SOS1: variants seen among roughly 807,000 people sequenced by gnomAD.
SOS1 encodes the protein son of sevenless homolog 1.
A neutral mutation model predicts 157.6 loss-of-function variants in SOS1; 25 were observed. The ratio of observed to expected loss-of-function variants is 0.16; its 90% CI spans 0.12 to 0.22. The LOEUF is 0.22. Ranked by LOEUF, SOS1 falls within the 10% of genes least tolerant of loss-of-function variation. The pLI, the probability that SOS1 is intolerant of heterozygous loss-of-function variation, is 1.00. For missense variants in SOS1, 1,237 were observed against 1,599.1 expected (o/e 0.77, Z 3.86); for synonymous variants, 528 against 534.0 (o/e 0.99, Z 0.16).
chr2:39,095,553 G>C (rs959107939), intron 1 of SOS1, among the ~76,000 whole-genome samples: 2 of 152,184 alleles, frequency 1.3e-5, no homozygotes, highest in Admixed American at 1.3e-4. Context: ...TTGTGTTTGA[G>C]ACACTGAAAT....
intron 1 of SOS1, among the ~76,000 whole-genome samples, chr2:39,098,943 G>A (rs1278479333): frequency 6.6e-6 from 1 of 151,972 alleles, no homozygotes; most frequent in East Asian, 1.9e-4. Context: ...ATTTTAAAAT[G>A]GGCAAAGGAT....
rs185176852 is a variant in SOS1 at position 39,053,266 on chromosome 2, C to G, written c.720+1348G>C. Among the ~76,000 whole-genome samples, 314 of 152,228 alleles carry G rather than the reference C, an allele frequency of 2.1e-3. 1 individual carries two copies. Among genetic ancestry groups the G allele is most frequent in the African/African-American group, 7.2e-3 (298 of 41,562 alleles). On this transcript the variant is annotated intron_variant, in intron 5 of 22. Transcript: ENST00000402219. ...ACAAGTAGTTGCTCCATACCCATTT[C>G]AACTTTTGGTATTATAAGTCATTTA...
At chr2:39,033,202 C>T (rs1305196150) in intron 8 of SOS1, among the ~76,000 whole-genome samples, 48 of 114,848 alleles carry the variant, frequency 4.2e-4, no homozygotes, top group African/African-American at 1.6e-3. Context: ...TCCTGAGTAT[C>T]TGGGATTATA....
chr2:39,025,758 T>G (rs1669939553), intron 8 of SOS1, among the ~76,000 whole-genome samples: 1 of 152,164 alleles, frequency 6.6e-6, no homozygotes, highest in Non-Finnish European at 1.5e-5. Flanking sequence ...CAACAACACA[T>G]TCCTTTCTGC....
In SOS1 at chr2:38,983,330, C is replaced by G. The variant is rs1362946990; in HGVS notation, c.*2494G>C. 1 of 152,158 alleles carries G rather than the reference C, an allele frequency of 6.6e-6. No homozygotes were observed. The highest frequency in any genetic ancestry group is 1.5e-5 in the Non-Finnish European group (1 of 68,036). The allele number at this position is 152,158 out of a possible 1,614,324, so 9.4% of individuals were successfully genotyped here. A position where few individuals can be genotyped will look rare whatever the true frequency, so the allele number is the denominator to read the frequency against. On this transcript the variant is annotated 3_prime_UTR_variant, in exon 23 of 23. Coordinates refer to ENST00000402219, the MANE Select transcript of SOS1 (RefSeq NM_005633.4). The stretch of plus-strand genomic sequence containing the variant: ...AGGCAAGGATGCCATTTTCTCACCT[C>G]CACCTAAGGGCATCCAATTGGCATT...
intron 1 of SOS1, among the ~76,000 whole-genome samples, chr2:39,102,401 T>G (rs1301530360): frequency 1.3e-5 from 2 of 149,820 alleles, no homozygotes; most frequent in Non-Finnish European, 3.0e-5. Context: ...GGTACACACT[T>G]GTAGTCCTAG....
At chr2:39,006,119 C>T (rs1669275047) in intron 17 of SOS1, among the ~76,000 whole-genome samples, 1 of 151,962 alleles carries the variant, frequency 6.6e-6, no homozygotes, top group Non-Finnish European at 1.5e-5. Context: ...TTTGGCTATG[C>T]CTCTGCTGTA....
At chr2:39,037,652 C>A (rs1373662627) in intron 6 of SOS1, among the ~76,000 whole-genome samples, 1 of 151,654 alleles carries the variant, frequency 6.6e-6, no homozygotes, top group African/African-American at 2.4e-5. Context: ...TTTGTGGCAA[C>A]CCTGTGTGAA....
chr2:39,030,266 AG>A, intron 8 of SOS1, among the ~76,000 whole-genome samples: 1 of 150,910 alleles, frequency 6.6e-6, no homozygotes. Context: ...AAAAAGCGAA[AG>A]AGGGGGAAAG....
chr2:39,045,400 A>C (rs887243934), intron 6 of SOS1, among the ~76,000 whole-genome samples: 15 of 151,684 alleles, frequency 9.9e-5, no homozygotes, highest in African/African-American at 3.1e-4. Flanking sequence ...CTATGATAGC[A>C]ATTTTTTTCA....
chr2:39,043,652 T>C (rs1443662354), intron 6 of SOS1, among the ~76,000 whole-genome samples: 1 of 152,198 alleles, frequency 6.6e-6, no homozygotes, highest in East Asian at 1.9e-4. Flanking sequence ...GAGGGCTTTC[T>C]TGCTGGTAGG....
At chr2:39,123,666 C>A (rs559091861), upstream of SOS1, among the ~76,000 whole-genome samples, 124 of 152,242 alleles carry the variant, frequency 8.1e-4, no homozygotes, top group African/African-American at 3.0e-3. Context: ...CCGAGATCAA[C>A]AATCTTGTGC....
chr2:38,987,776 T>A, intron 21 of SOS1, 185 bp from the exon 22 acceptor site: 1 of 559,894 alleles, frequency 1.8e-6, no homozygotes, highest in Non-Finnish European at 3.2e-6. Context: ...CATGCAGACA[T>A]TTTTTAGCAG....
chr2:39,054,018 C>T (rs768235475), intron 5 of SOS1, among the ~76,000 whole-genome samples: 13 of 152,036 alleles, frequency 8.6e-5, no homozygotes, highest in Non-Finnish European at 1.8e-4. Flanking sequence ...AGCTCCGCCT[C>T]CCAGGTTCAC....
chr2:39,117,979 T>C (rs1673717271), intron 1 of SOS1, among the ~76,000 whole-genome samples: 1 of 152,222 alleles, frequency 6.6e-6, no homozygotes, highest in African/African-American at 2.4e-5. Flanking sequence ...TTTATTCAAA[T>C]TGAGTGCCTA....
In SOS1 at chr2:39,054,692, T is replaced by A. The variant is rs886041696; in HGVS notation, c.642A>T (p.Gln214His). 4 of 1,600,096 alleles carry A rather than the reference T, an allele frequency of 2.5e-6. No homozygotes were observed. The highest frequency in any genetic ancestry group is 1.7e-4 in the Middle Eastern group (1 of 6,024). Reference sequence around the variant, plus strand: ...TAATTAGATTTAGTTCCCTTATATATTGTCGAATTTCTGCCATAAATGCTT... The same window carrying A: ...TAATTAGATTTAGTTCCCTTATATAATGTCGAATTTCTGCCATAAATGCTT... ...LVKAFMAEIR[Q>H]YIRELNLIIK... Residue 214 changes from glutamine to histidine, a missense_variant, in exon 5 of 23, where the codon CAA becomes CAT. By Grantham distance (24) the Gln-to-His change is conservative. Coordinates refer to ENST00000402219, the MANE Select transcript of SOS1 (RefSeq NM_005633.4).
At chr2:38,999,872 G>A (rs1669032028) in intron 17 of SOS1, among the ~76,000 whole-genome samples, 1 of 152,178 alleles carries the variant, frequency 6.6e-6, no homozygotes, top group Admixed American at 6.5e-5. Flanking sequence ...GATAATTAGG[G>A]AATTAGAAGG....
In SOS1 at chr2:38,983,043, C is replaced by A. The variant is rs1668448867; in HGVS notation, c.*2781G>T. 6.6e-6 allele frequency: 1 copy of A among 152,088 alleles called. No individual in the cohort carries two copies. The highest frequency in any genetic ancestry group is 2.1e-4 in the South Asian group (1 of 4,828). 9.4% of individuals were successfully genotyped at this position (152,088 alleles called of 1,614,324 possible). A position where few individuals can be genotyped will look rare whatever the true frequency, so the allele number is the denominator to read the frequency against. On this transcript the variant is annotated 3_prime_UTR_variant, in exon 23 of 23. Transcript: ENST00000402219. Reference sequence around the variant, plus strand: ...AACAACCTTTAATTAAGCGAACTCTCAATGTATGTTTCCTGATAATGTGTA... The same window carrying A: ...AACAACCTTTAATTAAGCGAACTCTAAATGTATGTTTCCTGATAATGTGTA...
chr2:39,086,737 G>C (rs1672389926), intron 1 of SOS1, among the ~76,000 whole-genome samples: 1 of 152,130 alleles, frequency 6.6e-6, no homozygotes, highest in African/African-American at 2.4e-5. Flanking sequence ...TTCTAGGAAA[G>C]GAAGGGAGTC....
Sources: allele counts gnomAD v4.1 joint callset (sites outside exome capture counted in the v4.1 genomes callset), GRCh38; gene constraint gnomAD v4.1.1; transcripts MANE v1.5; gene names NCBI Gene and HGNC (gene_info 2026-07-23, HGNC 2026-07-21).